PCDH7: variants seen among roughly 807,000 people sequenced by gnomAD.
PCDH7 encodes the protein protocadherin-7.
PCDH7 carries 17 observed loss-of-function variants against 58.9 expected under a neutral mutation model. The ratio of observed to expected loss-of-function variants is 0.29; its 90% CI spans 0.20 to 0.43. PCDH7 has a LOEUF of 0.43. Among genes scored for constraint, PCDH7 ranks in the 20% least tolerant of loss-of-function variants. The probability of loss-of-function intolerance (pLI) is 1.00; values close to 1 mark genes in which losing one functional copy is unlikely to be tolerated. For missense variants in PCDH7, 1,274 were observed against 1,441.0 expected (o/e 0.88, Z 1.88); for synonymous variants, 664 against 616.4 (o/e 1.08, Z -1.14).
intron 1 of PCDH7, among the ~76,000 whole-genome samples, chr4:30,898,747 C>T (rs34625421): frequency 3.3e-5 from 5 of 152,100 alleles, no homozygotes; most frequent in African/African-American, 1.2e-4. Context: ...CCCGCCACCA[C>T]GCCCGGCTAA....
At chr4:30,824,143 CTTTCTTT>C (rs1560408016) in intron 1 of PCDH7, among the ~76,000 whole-genome samples, 25 of 127,094 alleles carry the variant, frequency 2.0e-4, no homozygotes, top group African/African-American at 7.3e-4. Flanking sequence ...TTCTTTCTTT[CTTTCTTT>C]CTTTCTTTCT....
chr4:30,998,382 G>C (rs951873636), intron 3 of PCDH7, among the ~76,000 whole-genome samples: 1 of 152,164 alleles, frequency 6.6e-6, no homozygotes, highest in Admixed American at 6.5e-5. Flanking sequence ...TTGAGGAATG[G>C]AGGGAGGAAG....
chr4:30,737,816 C>T (rs1716515460), downstream of PCDH7, among the ~76,000 whole-genome samples: 1 of 152,150 alleles, frequency 6.6e-6, no homozygotes. Context: ...TTCTTTTTTA[C>T]ATTTGAAAAA....
intron 3 of PCDH7, among the ~76,000 whole-genome samples, chr4:30,982,688 T>C (rs2109112391): frequency 6.6e-6 from 1 of 152,320 alleles, no homozygotes; most frequent in South Asian, 2.1e-4. Flanking sequence ...TTATGAAGGA[T>C]GTCAGACTTT....
chr4:31,003,659 G>A (rs1300745557), intron 3 of PCDH7, among the ~76,000 whole-genome samples: 2 of 152,022 alleles, frequency 1.3e-5, no homozygotes, highest in Non-Finnish European at 2.9e-5. Context: ...TGTAATCCCA[G>A]CAGTTTGGGA....
intron 2 of PCDH7, among the ~76,000 whole-genome samples, chr4:30,924,894 A>T (rs564173310): frequency 1.0e-4 from 15 of 148,586 alleles, no homozygotes; most frequent in Admixed American, 2.7e-4. Context: ...AAAATAAATT[A>T]AAAAAAAAAC....
At chr4:31,086,362 A>G (rs1285836359) in intron 3 of PCDH7, among the ~76,000 whole-genome samples, 1 of 152,204 alleles carries the variant, frequency 6.6e-6, no homozygotes, top group Non-Finnish European at 1.5e-5. Context: ...AGTTATTTTA[A>G]GTCTGTTTTT....
intron 1 of PCDH7, among the ~76,000 whole-genome samples, chr4:30,829,880 C>T (rs1214769334): frequency 1.3e-5 from 2 of 151,920 alleles, no homozygotes; most frequent in Admixed American, 6.6e-5. Context: ...CTTTATAGCC[C>T]GCATTCATTA....
intron 3 of PCDH7, among the ~76,000 whole-genome samples, chr4:30,967,038 T>C (rs1022381668): frequency 6.6e-6 from 1 of 152,154 alleles, no homozygotes; most frequent in African/African-American, 2.4e-5. Flanking sequence ...GTTTTCTTTC[T>C]ATGTGCTGGA....
intron 3 of PCDH7, among the ~76,000 whole-genome samples, chr4:31,067,538 T>C (rs541309045): frequency 1.1e-4 from 16 of 151,992 alleles, no homozygotes; most frequent in African/African-American, 3.6e-4. Flanking sequence ...GTACTTAGCA[T>C]AGTGTCAGTA....
chr4:30,749,588 T>C (rs1031740113), intron 1 of PCDH7, among the ~76,000 whole-genome samples: 1 of 152,136 alleles, frequency 6.6e-6, no homozygotes, highest in African/African-American at 2.4e-5. Context: ...AGGATTCCAA[T>C]TGTCAATACA....
downstream of PCDH7, chr4:31,143,932 T>A (rs1440094461): frequency 6.6e-6 from 1 of 152,186 alleles, no homozygotes; most frequent in East Asian, 1.9e-4. Context: ...GAGGTTCAAG[T>A]TTAGTTTCAG....
intron 3 of PCDH7, among the ~76,000 whole-genome samples, chr4:30,970,168 A>G (rs1249006996): frequency 6.6e-6 from 1 of 152,222 alleles, no homozygotes; most frequent in Non-Finnish European, 1.5e-5. Context: ...TCTGAAATAG[A>G]CCTATTGTGC....
intron 1 of PCDH7, among the ~76,000 whole-genome samples, chr4:30,862,474 A>G (rs1396687885): frequency 6.6e-6 from 1 of 152,152 alleles, no homozygotes; most frequent in Admixed American, 6.6e-5. Flanking sequence ...TGTTCCAATG[A>G]CTTGGCTATT....
At chr4:31,056,635 GGAGAGAGAGAGAGAAA>G (rs1302144712) in intron 3 of PCDH7, among the ~76,000 whole-genome samples, 4 of 147,868 alleles carry the variant, frequency 2.7e-5, no homozygotes, top group African/African-American at 7.4e-5. Flanking sequence ...GAGAGAGAGA[GGAGAGAGAGAGAGAAA>G]GAGAGAGAGG....
intron 3 of PCDH7, among the ~76,000 whole-genome samples, chr4:31,112,196 A>G (rs924850294): frequency 6.6e-6 from 1 of 152,178 alleles, no homozygotes; most frequent in African/African-American, 2.4e-5. Flanking sequence ...TTCAGTTGAT[A>G]ACTGATTAGT....
chr4:30,738,863 T>C (rs1716669379), intron 1 of PCDH7, among the ~76,000 whole-genome samples: 1 of 151,948 alleles, frequency 6.6e-6, no homozygotes, highest in Non-Finnish European at 1.5e-5. Flanking sequence ...AGTGGCATAA[T>C]TGGTCTGACA....
chr4:30,770,620 G>C (rs1176196608), intron 1 of PCDH7, among the ~76,000 whole-genome samples: 1 of 152,124 alleles, frequency 6.6e-6, no homozygotes, highest in Admixed American at 6.5e-5. Context: ...TTCTAGCTTA[G>C]AAGTTATAAT....
Position 30,722,289 on chromosome 4 carries a change from C to A in PCDH7, c.867C>A (p.Ser289=), listed in dbSNP as rs748200371. Residue 289 remains serine, a synonymous_variant, in exon 1 of 2, where the codon TCC becomes TCA. Transcript: ENST00000361762. This position sits in a 1 kb window ranked among gnomAD's most constrained non-coding sequence, Gnocchi z 7.6. ...GCGACGGCGGCGACCCGCCTCGCTC[C>A]TCGCAGGCCATCCTACGGGTCCTCA... The A allele has an allele frequency of 7.5e-6, 12 of 1,604,844 alleles. No individual in the cohort carries two copies. The highest frequency in any genetic ancestry group is 1.7e-5 in the Admixed American group (1 of 58,764).
Sources: allele counts gnomAD v4.1 joint callset (sites outside exome capture counted in the v4.1 genomes callset), GRCh38; gene constraint gnomAD v4.1.1; non-coding constraint Gnocchi (gnomAD v3.1); transcripts MANE v1.5; gene names NCBI Gene and HGNC (gene_info 2026-07-23, HGNC 2026-07-21).